ABCB11: variants seen among roughly 807,000 people sequenced by gnomAD.
ABCB11 encodes bile salt export pump.
In ABCB11, 95 loss-of-function variants were observed where a neutral mutation model predicts 148.0. That is an observed-to-expected ratio of 0.64 (90% CI 0.54 to 0.76). The LOEUF is 0.76. Ranked by LOEUF, ABCB11 falls within the 30% of genes least tolerant of loss-of-function variation. The probability of loss-of-function intolerance (pLI) is 0.00; values close to 1 mark genes in which losing one functional copy is unlikely to be tolerated. For missense variants in ABCB11, 1,523 were observed against 1,617.8 expected (o/e 0.94, Z 1.01); for synonymous variants, 591 against 555.4 (o/e 1.06, Z -0.90).
intron 3 of ABCB11, among the ~76,000 whole-genome samples, chr2:169,016,251 A>T (rs1166519314): frequency 2.0e-5 from 3 of 152,272 alleles, no homozygotes; most frequent in Non-Finnish European, 2.9e-5. Flanking sequence ...AATTTCTAAA[A>T]TACCTTTAAC....
chr2:168,941,504 A>C lies in ABCB11; in HGVS notation c.2610+3101T>G, dbSNP rs569920126. On this transcript the variant is annotated intron_variant, in intron 21 of 27. Transcript: ENST00000650372. Reference sequence around the variant, plus strand: ...GAAGTGGAGTCTGAAGATGTGCTGCATTAAATTGCTGCAATCTCATGATAA... The same window carrying C: ...GAAGTGGAGTCTGAAGATGTGCTGCCTTAAATTGCTGCAATCTCATGATAA... Among the ~76,000 whole-genome samples, 5 of 152,210 alleles carry C rather than the reference A, an allele frequency of 3.3e-5. No homozygotes were observed. The East Asian group carries it at 9.7e-4, about 29-fold the overall frequency.
intron 5 of ABCB11, among the ~76,000 whole-genome samples, chr2:169,005,353 C>T (rs1159537047): frequency 6.6e-6 from 1 of 152,044 alleles, no homozygotes; most frequent in Non-Finnish European, 1.5e-5. Context: ...TCAGCCTCTC[C>T]TTGGGCGGGG....
intron 21 of ABCB11, among the ~76,000 whole-genome samples, chr2:168,941,306 G>GTA (rs977996098): frequency 2.6e-5 from 4 of 151,756 alleles, no homozygotes; most frequent in Admixed American, 6.6e-5. Context: ...CACTTTATAT[G>GTA]TATATATATA....
At chr2:169,009,478 A>T (rs1010817298) in intron 5 of ABCB11, among the ~76,000 whole-genome samples, 2 of 150,898 alleles carry the variant, frequency 1.3e-5, no homozygotes, top group Admixed American at 6.6e-5. Flanking sequence ...TATCGCGAGG[A>T]CAAAAAACCA....
In ABCB11 at chr2:168,947,317, T is replaced by C. The variant is rs148522533; in HGVS notation, c.2344-2356A>G. ...CAGATAGTACAGAGTAGAGACCTAC[T>C]ACAAATCCAGAGCTGGCGACTCTCA... On this transcript the variant is annotated intron_variant, in intron 19 of 27. Coordinates refer to ENST00000650372, the MANE Select transcript of ABCB11 (RefSeq NM_003742.4). Among the ~76,000 whole-genome samples the C allele has an allele frequency of 1.3e-4, 20 of 150,396 alleles. No individual in the cohort carries two copies. In the East Asian group the frequency reaches 2.4e-3, roughly 18 times the overall value.
chr2:169,010,996 C>T (rs982579865), intron 5 of ABCB11, among the ~76,000 whole-genome samples: 9 of 152,124 alleles, frequency 5.9e-5, no homozygotes, highest in South Asian at 2.1e-4. Context: ...ATTCTTTGCT[C>T]GCCTTCAGGT....
intron 11 of ABCB11, among the ~76,000 whole-genome samples, chr2:168,978,422 C>T (rs146489392): frequency 0.028 from 4,273 of 152,060 alleles, 203 homozygotes; most frequent in African/African-American, 0.098. Flanking sequence ...AGGTGTGAGC[C>T]ACCATGCCTG....
At chr2:168,954,719 A>T (rs774537282) in intron 19 of ABCB11, among the ~76,000 whole-genome samples, 2 of 151,614 alleles carry the variant, frequency 1.3e-5, no homozygotes, top group Non-Finnish European at 3.0e-5. Context: ...CCTTTTTGTA[A>T]TGTGTTTGCC....
chr2:168,941,818 T>C (rs1284122219), intron 21 of ABCB11, among the ~76,000 whole-genome samples: 3 of 152,030 alleles, frequency 2.0e-5, no homozygotes, highest in Non-Finnish European at 4.4e-5. Context: ...GGTCAGTCAG[T>C]TGCTATTAAT....
chr2:169,014,385 C>T (rs1695290612), intron 3 of ABCB11, 31 bp from the exon 4 acceptor site: 2 of 1,594,714 alleles, frequency 1.3e-6, no homozygotes, highest in Non-Finnish European at 1.7e-6. Context: ...ATTTAAAGAC[C>T]ACCCTTTCCA....
chr2:169,008,294 T>A (rs550608381), intron 5 of ABCB11, among the ~76,000 whole-genome samples: 2 of 152,220 alleles, frequency 1.3e-5, no homozygotes, highest in South Asian at 2.1e-4. Flanking sequence ...AGAGAGAAAT[T>A]TCCCCCTGCT....
At chr2:168,969,234 A>T in intron 16 of ABCB11, 116 bp downstream of exon 16, 1 of 956,600 alleles carries the variant, frequency 1.0e-6, no homozygotes, top group Non-Finnish European at 1.6e-6. Flanking sequence ...CCATCTATAT[A>T]ACGCCTGCCA....
At chr2:168,925,768 T>A (rs1364482213) in intron 26 of ABCB11, among the ~76,000 whole-genome samples, 3 of 152,192 alleles carry the variant, frequency 2.0e-5, no homozygotes, top group Non-Finnish European at 4.4e-5. Context: ...GCTTTGTCTT[T>A]GTGGAGACAA....
intron 25 of ABCB11, among the ~76,000 whole-genome samples, chr2:168,929,752 A>G (rs947339266): frequency 6.6e-6 from 1 of 152,220 alleles, no homozygotes; most frequent in African/African-American, 2.4e-5. Flanking sequence ...AGCAGATCAG[A>G]AGTTTACAAA....
intron 10 of ABCB11, among the ~76,000 whole-genome samples, chr2:168,985,249 AG>A (rs1694275407): frequency 6.6e-6 from 1 of 152,152 alleles, no homozygotes; most frequent in South Asian, 2.1e-4. Context: ...AAAACATAAT[AG>A]ATGTTGGCAT....
In ABCB11 at chr2:168,927,274, G is replaced by A. The variant is rs1163343377; in HGVS notation, c.3500C>T (p.Ala1167Val). ...GIVSQEPVLF[A>V]CSIMDNIKYG... ...CTTGATATTGTCCATTATGCTACAG[G>A]CAAACAACACTGGTTCCTGGGAAAC... is the stretch of plus-strand genomic sequence containing the variant. The change falls in exon 26 of 28, where the codon GCC becomes GTC. Residue 1167 changes from alanine (A) to valine (V), a missense_variant. Ala to Val is a moderately conservative substitution (Grantham distance 64, BLOSUM62 0). Coordinates refer to ENST00000650372, the MANE Select transcript of ABCB11 (RefSeq NM_003742.4). 6.2e-7 allele frequency: 1 copy of A among 1,613,778 alleles called. No individual in the cohort carries two copies. The highest frequency in any genetic ancestry group is 1.7e-5 in the Admixed American group (1 of 60,014).
At chr2:168,919,815 T>A (rs1691023707), downstream of ABCB11, among the ~76,000 whole-genome samples, 1 of 152,096 alleles carries the variant, frequency 6.6e-6, no homozygotes, top group Admixed American at 6.6e-5. Context: ...TGTCAAGAGG[T>A]CCTATGTCAT....
intron 1 of ABCB11, among the ~76,000 whole-genome samples, chr2:169,029,885 C>T (rs1368548988): frequency 2.7e-5 from 4 of 146,314 alleles, no homozygotes; most frequent in African/African-American, 7.7e-5. Flanking sequence ...GGACTACAGG[C>T]GCCCGCCACC....
chr2:168,923,513 C>T lies in ABCB11; in HGVS notation c.*109G>A. 3.0e-6 allele frequency: 3 copies of T among 989,628 alleles called. No individual in the cohort carries two copies. Among genetic ancestry groups the T allele is most frequent in the Non-Finnish European group, 3.0e-6 (2 of 664,378 alleles). The allele number at this position is 989,628 out of a possible 1,614,324, so 61.3% of individuals were successfully genotyped here. On this transcript the variant is annotated 3_prime_UTR_variant, in exon 28 of 28. Transcript: ENST00000650372. ...GTAAAAGTAAAATATTAACATTCTT[C>T]TTTAAAGAAAAAACAATCCCAGCAA...
Sources: gnomAD v4.1 joint callset for allele counts (sites outside exome capture counted in the v4.1 genomes callset) on GRCh38, gnomAD v4.1.1 for gene constraint, MANE v1.5 for transcripts, NCBI Gene and HGNC (gene_info 2026-07-23, HGNC 2026-07-21) for gene names.